The following TEAD4 variants were observed in gnomAD, a reference collection of about 807,000 sequenced individuals.
The protein encoded by TEAD4 is transcriptional enhancer factor TEF-3.
In TEAD4, 36 loss-of-function variants were observed where a neutral mutation model predicts 52.4. The observed-to-expected ratio is 0.69, with a 90% CI of 0.53 to 0.91. The LOEUF is 0.91. TEAD4 is among the 40% of genes least tolerant of loss of function. The pLI is 0.00. For synonymous variants in TEAD4, 220 were observed against 231.0 expected, an observed-to-expected ratio of 0.95 and a Z score of 0.43; for missense variants, 508 against 583.9, an observed-to-expected ratio of 0.87 and a Z score of 1.34.
intron 2 of TEAD4, among the ~76,000 whole-genome samples, chr12:2,980,530 C>G (rs1469875056): frequency 2.6e-5 from 4 of 151,216 alleles, no homozygotes; most frequent in African/African-American, 4.9e-5. Context: ...GACAGGAGCT[C>G]GAGACCAGTC....
chr12:3,003,502 A>T (rs945646793), intron 3 of TEAD4, among the ~76,000 whole-genome samples: 3 of 152,022 alleles, frequency 2.0e-5, no homozygotes, highest in Admixed American at 2.0e-4. Context: ...TATGTGGCGG[A>T]GGTGGCCGGC....
chr12:2,966,674 G>A (rs893596161), intron 2 of TEAD4, among the ~76,000 whole-genome samples: 4 of 151,888 alleles, frequency 2.6e-5, no homozygotes, highest in African/African-American at 4.8e-5. Flanking sequence ...ACCTCCCAGA[G>A]TGTTGGTATT....
Position 3,040,498 on chromosome 12 carries a change from G to A in TEAD4, c.*20G>A, listed in dbSNP as rs199828011. 5 of 1,608,608 alleles carry A rather than the reference G, an allele frequency of 3.1e-6. No homozygotes were observed. In the African/African-American group the frequency reaches 4.0e-5, roughly 13 times the overall value. ...GAATGAGAGACTCGGGGAGCAGGGA[G>A]GGGGGAAGAGACGTGTGTGCAGGAA... On this transcript the variant is annotated 3_prime_UTR_variant, in exon 13 of 13. Transcript: ENST00000359864.
intron 2 of TEAD4, among the ~76,000 whole-genome samples, chr12:2,971,188 CG>C (rs1490988931): frequency 2.0e-5 from 3 of 152,122 alleles, no homozygotes; most frequent in African/African-American, 7.2e-5. Context: ...TACTGCAAGA[CG>C]AAAGAACGTG....
Position 3,021,949 on chromosome 12 carries a change from A to G in TEAD4, c.829A>G (p.Lys277Glu), listed in dbSNP as rs1409156460. 8 of 1,614,200 alleles carry G rather than the reference A, an allele frequency of 5.0e-6. No homozygotes were observed. The highest frequency in any genetic ancestry group is 1.6e-4 in the Middle Eastern group (1 of 6,062). Reference sequence around the variant, plus strand: ...CCAAATCTATGACAAATTCCCGGAGAAAAAGGGTGGACTCAAGGATCTCTT... The same window carrying G: ...CCAAATCTATGACAAATTCCCGGAGGAAAAGGGTGGACTCAAGGATCTCTT... Residue 277 changes from lysine (K) to glutamate (E), a missense_variant, in exon 10 of 13, where the codon AAA (lysine) becomes GAA (glutamate). By Grantham distance (56) the Lys-to-Glu change is moderately conservative. Coordinates refer to ENST00000359864, the MANE Select transcript of TEAD4 (RefSeq NM_003213.4).
At chr12:3,031,071 G>T (rs765233329) in intron 10 of TEAD4, among the ~76,000 whole-genome samples, 2 of 152,216 alleles carry the variant, frequency 1.3e-5, no homozygotes, top group Admixed American at 1.3e-4. Flanking sequence ...GCAGGATGCT[G>T]TCCACTTTTT....
At chr12:2,997,805 C>CGGG (rs61027088) in intron 3 of TEAD4, among the ~76,000 whole-genome samples, 23 of 121,302 alleles carry the variant, frequency 1.9e-4, no homozygotes, top group African/African-American at 6.3e-4. Context: ...CTTGCTTTTT[C>CGGG]GGGGGGGGGG....
At position 3,040,469 on chromosome 12, in the gene TEAD4, G is replaced by A. The variant is rs1394036374; in HGVS notation, c.1296G>A (p.Val432=). The A allele has an allele frequency of 1.2e-6, 2 of 1,614,042 alleles. No homozygotes were observed. Among genetic ancestry groups the A allele is most frequent in the Non-Finnish European group, 1.7e-6 (2 of 1,179,970 alleles). Residue 432 remains valine, a synonymous_variant, in exon 13 of 13, where the codon GTG becomes GTA. Transcript: ENST00000359864. ...CTCAGCACCACATCTACAGGCTGGT[G>A]AAAGAATGAGAGACTCGGGGAGCAG... is the stretch of plus-strand genomic sequence containing the variant.
At chr12:3,040,287 T>C in intron 12 of TEAD4, 28 bp downstream of exon 12, 2 of 1,614,048 alleles carry the variant, frequency 1.2e-6, no homozygotes, top group Non-Finnish European at 1.7e-6. Context: ...CGGGTGTGGC[T>C]GGAGTCTGTG....
In TEAD4 at chr12:2,969,779, G is replaced by A. The variant is rs182421122; in HGVS notation, c.-30+9739G>A. ...CCATCGTCTTTGTCCAAACAAGCACGGTGTTAGGAACAGGCGGAATCTGGG... is the reference window on the plus strand; with the variant it reads ...CCATCGTCTTTGTCCAAACAAGCACAGTGTTAGGAACAGGCGGAATCTGGG... On this transcript the variant is annotated intron_variant, in intron 2 of 12. Coordinates refer to ENST00000359864, the MANE Select transcript of TEAD4 (RefSeq NM_003213.4). Among the ~76,000 whole-genome samples the A allele has an allele frequency of 5.2e-4, 79 of 152,320 alleles. 2 individuals are homozygous for A. The highest frequency in any genetic ancestry group is 1.9e-3 in the African/African-American group (77 of 41,570).
chr12:3,002,453 A>G (rs1426479837), intron 3 of TEAD4, among the ~76,000 whole-genome samples: 1 of 152,234 alleles, frequency 6.6e-6, no homozygotes, highest in Non-Finnish European at 1.5e-5. Context: ...CAGCTGTATC[A>G]GTTTACATTC....
intron 10 of TEAD4, among the ~76,000 whole-genome samples, chr12:3,029,838 C>T (rs892536394): frequency 2.6e-5 from 4 of 152,130 alleles, no homozygotes; most frequent in African/African-American, 7.2e-5. Context: ...TGGTGGGTTT[C>T]GCTTTAGGGT....
intron 5 of TEAD4, among the ~76,000 whole-genome samples, chr12:3,013,814 C>CG (rs2098262310): frequency 6.6e-6 from 1 of 152,148 alleles, no homozygotes; most frequent in African/African-American, 2.4e-5. Context: ...TTGGAGGCTG[C>CG]GGTGGGCTGT....
At chr12:3,004,871 CT>C (rs1483211450) in intron 3 of TEAD4, among the ~76,000 whole-genome samples, 1 of 152,184 alleles carries the variant, frequency 6.6e-6, no homozygotes, top group African/African-American at 2.4e-5. Context: ...TAGAGCACCC[CT>C]GGTGGCAGGA....
chr12:2,987,468 TC>T (rs2098239481), intron 2 of TEAD4, among the ~76,000 whole-genome samples: 2 of 151,926 alleles, frequency 1.3e-5, no homozygotes, highest in Non-Finnish European at 2.9e-5. Context: ...GGAGTCTCAC[TC>T]TTTCACCCAG....
intron 2 of TEAD4, among the ~76,000 whole-genome samples, chr12:2,961,363 T>C (rs1401303559): frequency 1.3e-5 from 2 of 151,726 alleles, no homozygotes; most frequent in Non-Finnish European, 1.5e-5. Flanking sequence ...GTGGATATCA[T>C]GTGTAGGGCT....
At chr12:2,990,846 T>G (rs1330824458) in intron 2 of TEAD4, among the ~76,000 whole-genome samples, 2 of 152,152 alleles carry the variant, frequency 1.3e-5, no homozygotes, top group Non-Finnish European at 2.9e-5. Flanking sequence ...TAGGTATAGT[T>G]CCCAGTTTCA....
At chr12:2,974,904 T>C (rs558165507) in intron 2 of TEAD4, among the ~76,000 whole-genome samples, 93 of 152,262 alleles carry the variant, frequency 6.1e-4, no homozygotes, top group Admixed American at 1.6e-3. Flanking sequence ...CCAGGGCAAG[T>C]GCTTCTGTTA....
At position 2,994,783 on chromosome 12, in the gene TEAD4, G is replaced by A; in HGVS notation, c.17G>A (p.Gly6Asp). The change falls in exon 3 of 13, where the codon GGC becomes GAC. Residue 6 changes from glycine to aspartate, a missense_variant. Coordinates refer to ENST00000359864, the MANE Select transcript of TEAD4 (RefSeq NM_003213.4). This position sits in a 1 kb window ranked among gnomAD's most constrained non-coding sequence, Gnocchi z 4.7. ...AGCGGAGCCTTGGAGGGCACGGCCG[G>A]CACCATTACCTCCAACGAGTGGAGC... 6.2e-7 allele frequency: 1 copy of A among 1,612,246 alleles called. No individual in the cohort carries two copies. The highest frequency in any genetic ancestry group is 1.1e-5 in the South Asian group (1 of 90,988).
Sources: gnomAD v4.1 joint callset for allele counts (sites outside exome capture counted in the v4.1 genomes callset) on GRCh38, gnomAD v4.1.1 for gene constraint, Gnocchi (gnomAD v3.1) non-coding constraint, MANE v1.5 for transcripts, NCBI Gene and HGNC (gene_info 2026-07-23, HGNC 2026-07-21) for gene names.